Variants in NEK1 observed in about 807,000 individuals in gnomAD.
NEK1 encodes the protein serine/threonine-protein kinase Nek1.
In NEK1, 137 loss-of-function variants were observed where a neutral mutation model predicts 182.1. The observed-to-expected ratio is 0.75, with a 90% confidence interval of 0.65 to 0.87. The LOEUF (loss-of-function observed/expected upper bound fraction) is 0.87, where lower values mean the gene tolerates loss of function less well. Ranked by LOEUF, NEK1 falls within the 40% of genes least tolerant of loss-of-function variation. NEK1 has a pLI of 0.00. For missense variants in NEK1, 1,391 were observed against 1,494.4 expected, an observed-to-expected ratio of 0.93 and a Z score of 1.14; for synonymous variants, 513 against 492.2, an observed-to-expected ratio of 1.04 and a Z score of -0.56.
chr4:169,513,005 A>C (rs1461260779), intron 19 of NEK1, among the ~76,000 whole-genome samples: 1 of 152,118 alleles, frequency 6.6e-6, no homozygotes, highest in Non-Finnish European at 1.5e-5. Context: ...CTGTAGCTAT[A>C]AGTTAGCCTC....
chr4:169,579,971 T>C (rs943602546), intron 11 of NEK1, among the ~76,000 whole-genome samples: 12 of 152,128 alleles, frequency 7.9e-5, no homozygotes, highest in African/African-American at 2.2e-4. Context: ...TTAAATAACT[T>C]CCATTGATTT....
intron 10 of NEK1, 137 bp from the exon 11 acceptor site, chr4:169,581,039 T>TTAA (rs1766554681): frequency 7.8e-6 from 1 of 128,952 alleles, no homozygotes; most frequent in African/African-American, 3.3e-5. Context: ...ACCAAGTTGT[T>TTAA]AAAAAAAAAA....
intron 23 of NEK1, among the ~76,000 whole-genome samples, chr4:169,498,299 T>G (rs1158314674): frequency 6.6e-6 from 1 of 152,230 alleles, no homozygotes; most frequent in African/African-American, 2.4e-5. Context: ...TATGTGTGTC[T>G]CTGCACATGA....
At chr4:169,416,771 G>T (rs888787158) in intron 31 of NEK1, among the ~76,000 whole-genome samples, 1 of 152,196 alleles carries the variant, frequency 6.6e-6, no homozygotes, top group African/African-American at 2.4e-5. Flanking sequence ...CAGATATGGT[G>T]AAGCATGCCT....
Position 169,602,495 on chromosome 4 carries a change from A to G in NEK1, c.117+19T>C, listed in dbSNP as rs753520106. 8.9e-6 allele frequency: 12 copies of G among 1,352,828 alleles called. No individual in the cohort carries two copies. The highest frequency in any genetic ancestry group is 1.3e-5 in the Non-Finnish European group (12 of 946,130). 83.8% of individuals were successfully genotyped at this position (1,352,828 alleles called of 1,614,324 possible). ...TAACTAAACCATTACTCATGAAACC[A>G]AACTAAAAATATACTTACTCTTGAG... On this transcript the variant is annotated intron_variant, in intron 3 of 35. Transcript: ENST00000507142.
intron 18 of NEK1, among the ~76,000 whole-genome samples, chr4:169,548,862 C>T (rs534253446): frequency 1.2e-3 from 177 of 152,324 alleles, no homozygotes; most frequent in African/African-American, 3.8e-3. Context: ...ACTGCTGTGC[C>T]GGCATCCAGA....
chr4:169,403,322 C>T (rs1732004279), intron 32 of NEK1, among the ~76,000 whole-genome samples: 1 of 151,968 alleles, frequency 6.6e-6, no homozygotes, highest in African/African-American at 2.4e-5. Flanking sequence ...AATCCTAGCC[C>T]TTTGGGAGGC....
chr4:169,549,076 G>A (rs1761006731), intron 18 of NEK1, among the ~76,000 whole-genome samples: 1 of 152,202 alleles, frequency 6.6e-6, no homozygotes, highest in South Asian at 2.1e-4. Flanking sequence ...GTTTTGTGCT[G>A]GAAACCCAGG....
chr4:169,483,984 T>C (rs1486111015), intron 23 of NEK1, among the ~76,000 whole-genome samples: 2 of 152,128 alleles, frequency 1.3e-5, no homozygotes, highest in African/African-American at 4.8e-5. Context: ...TTTGTTTTAA[T>C]TACTATAGTA....
chr4:169,477,724 A>AT (rs1245457923), intron 24 of NEK1, among the ~76,000 whole-genome samples: 1 of 151,974 alleles, frequency 6.6e-6, no homozygotes, highest in Non-Finnish European at 1.5e-5. Flanking sequence ...TATTTGTCAT[A>AT]TTTTTAGATT....
intron 12 of NEK1, among the ~76,000 whole-genome samples, chr4:169,570,758 T>C (rs887526745): frequency 3.3e-5 from 5 of 152,212 alleles, no homozygotes; most frequent in Admixed American, 6.5e-5. Context: ...GGGGAAAAGA[T>C]TGAGAAATCG....
chr4:169,579,787 CAAAA>C (rs759017295), intron 11 of NEK1, among the ~76,000 whole-genome samples: 1 of 114,788 alleles, frequency 8.7e-6, no homozygotes, highest in Non-Finnish European at 1.8e-5. Flanking sequence ...GACTCCATCT[CAAAA>C]AAAAAAAAAA....
intron 29 of NEK1, among the ~76,000 whole-genome samples, chr4:169,428,351 G>GATATATATATATATATAT (rs60550267): frequency 0.11 from 9,703 of 92,240 alleles, 1,058 homozygotes; most frequent in Middle Eastern, 0.18. Context: ...AAATATATGG[G>GATATATATATATATATAT]ATATATATAT....
At chr4:169,400,701 T>C in intron 33 of NEK1, 50 bp from the exon 34 acceptor site, 2 of 1,404,124 alleles carry the variant, frequency 1.4e-6, no homozygotes, top group Non-Finnish European at 1.9e-6. Context: ...ACTGAATAAC[T>C]CATACCCTAA....
chr4:169,558,360 C>T (rs1762439574), intron 16 of NEK1, among the ~76,000 whole-genome samples: 1 of 152,196 alleles, frequency 6.6e-6, no homozygotes, highest in African/African-American at 2.4e-5. Context: ...CAAATGTAGA[C>T]ACTCACATAA....
intron 32 of NEK1, among the ~76,000 whole-genome samples, chr4:169,403,614 C>T (rs141961943): frequency 7.9e-5 from 12 of 152,204 alleles, no homozygotes; most frequent in African/African-American, 2.7e-4. Context: ...GAAGTATGCA[C>T]ACCTGCTATG....
Position 169,479,619 on chromosome 4 carries a change from T to C in NEK1, c.2008-85A>G, listed in dbSNP as rs904210856. 5 of 1,064,676 alleles carry C rather than the reference T, an allele frequency of 4.7e-6. No homozygotes were observed. In the South Asian group the frequency reaches 6.3e-5, roughly 13 times the overall value. The allele number at this position is 1,064,676 out of a possible 1,614,324, so 66.0% of individuals were successfully genotyped here. On this transcript the variant is annotated intron_variant, in intron 23 of 35. Coordinates refer to ENST00000507142, the MANE Select transcript of NEK1 (RefSeq NM_001199397.3). ...ATGGTACCTACCAGATCACTATTTATCCACTCTATCCACAAGTAGTTTTTT... is the reference window on the plus strand; with the variant it reads ...ATGGTACCTACCAGATCACTATTTACCCACTCTATCCACAAGTAGTTTTTT...
rs186243447 is a variant in NEK1, at chr4:169,449,104, G to C, written c.2588-10845C>G. ...GCCAGGCAGCAGCCTGACTCGGGGAGGGGCATCCGCCATTGCTGAGGCTTG... is the reference window on the plus strand; with the variant it reads ...GCCAGGCAGCAGCCTGACTCGGGGACGGGCATCCGCCATTGCTGAGGCTTG... On this transcript the variant is annotated intron_variant, in intron 27 of 35. Coordinates refer to ENST00000507142, the MANE Select transcript of NEK1 (RefSeq NM_001199397.3). 3.2e-3 allele frequency among the ~76,000 whole-genome samples: 484 copies of C among 152,362 alleles called. 5 individuals carry two copies. The highest frequency in any genetic ancestry group is 0.011 in the African/African-American group (469 of 41,586).
At chr4:169,448,795 T>C (rs1741085083) in intron 27 of NEK1, among the ~76,000 whole-genome samples, 1 of 152,152 alleles carries the variant, frequency 6.6e-6, no homozygotes, top group African/African-American at 2.4e-5. Flanking sequence ...TTCATCTCAA[T>C]GGGACTGGTT....
Sources: allele counts gnomAD v4.1 joint callset (sites outside exome capture counted in the v4.1 genomes callset), GRCh38; gene constraint gnomAD v4.1.1; transcripts MANE v1.5; gene names NCBI Gene and HGNC (gene_info 2026-07-23, HGNC 2026-07-21).